Variants in ITPR1 observed in about 807,000 individuals in gnomAD.
ITPR1 encodes the protein inositol 1,4,5-trisphosphate-gated calcium channel ITPR1.
Under a neutral mutation model 318.4 loss-of-function variants are expected in ITPR1, and 96 were observed. That is an observed-to-expected ratio of 0.30 (90% CI 0.26 to 0.36). The LOEUF is 0.36. Among genes scored for constraint, ITPR1 ranks in the 10% least tolerant of loss-of-function variants. ITPR1 has a pLI of 1.00. For synonymous variants in ITPR1, 1,312 were observed against 1,289.9 expected (o/e 1.02, Z -0.37); for missense variants, 2,440 against 3,460.2 (o/e 0.71, Z 7.40).
At chr3:4,785,388 T>C (rs2047116591) in intron 51 of ITPR1, among the ~76,000 whole-genome samples, 1 of 152,234 alleles carries the variant, frequency 6.6e-6, no homozygotes, top group Non-Finnish European at 1.5e-5. Flanking sequence ...ATGCACAAGT[T>C]CAATATCAGT....
chr3:4,829,954 G>GTTTT (rs35099159), intron 60 of ITPR1, among the ~76,000 whole-genome samples: 30 of 27,102 alleles, frequency 1.1e-3, no homozygotes, highest in African/African-American at 3.0e-3. Context: ...ATGTATAACA[G>GTTTT]TTTTTTTTTT....
At chr3:4,658,401 A>T in intron 13 of ITPR1, 123 bp downstream of exon 13, 1 of 823,246 alleles carries the variant, frequency 1.2e-6, no homozygotes, top group Non-Finnish European at 1.8e-6. Context: ...ATTTGGTGAA[A>T]GGTTTGCACT....
At chr3:4,713,690 A>G (rs1159435213) in intron 39 of ITPR1, among the ~76,000 whole-genome samples, 2 of 152,246 alleles carry the variant, frequency 1.3e-5, no homozygotes, top group Non-Finnish European at 2.9e-5. Flanking sequence ...GGACCCTCAA[A>G]GGAGATCACT....
Position 4,699,959 on chromosome 3 carries a change from T to C in ITPR1, c.4536+18T>C. ...CTTTGCAGGTAAGAAATAACCAACGTCAAGCAGAATGTTCACGATACACCT... is the reference window on the plus strand; with the variant it reads ...CTTTGCAGGTAAGAAATAACCAACGCCAAGCAGAATGTTCACGATACACCT... On this transcript the variant is annotated intron_variant, in intron 35 of 61. Transcript: ENST00000649015. The C allele has an allele frequency of 1.2e-6, 2 of 1,609,758 alleles. No homozygotes were observed. Among genetic ancestry groups the C allele is most frequent in the Non-Finnish European group, 1.7e-6 (2 of 1,176,506 alleles).
At chr3:4,706,525 G>A (rs1329386532) in intron 37 of ITPR1, among the ~76,000 whole-genome samples, 174 bp downstream of exon 37, 1 of 152,176 alleles carries the variant, frequency 6.6e-6, no homozygotes, top group East Asian at 1.9e-4. Flanking sequence ...AGTTACTTAG[G>A]AATAGAAAAG....
intron 44 of ITPR1, chr3:4,749,900 G>A (rs1012274548): frequency 2.0e-5 from 3 of 152,724 alleles, no homozygotes; most frequent in Non-Finnish European, 2.9e-5. Context: ...GTCTGGCCAG[G>A]TTGGGCTGGA....
At chr3:4,796,465 TGGC>T (rs1270605582) in intron 53 of ITPR1, among the ~76,000 whole-genome samples, 5 of 152,196 alleles carry the variant, frequency 3.3e-5, no homozygotes, top group Non-Finnish European at 7.3e-5. Flanking sequence ...GGAGCTCAGC[TGGC>T]GGCGGCGGAG....
At chr3:4,642,567 A>G (rs982703153) in intron 7 of ITPR1, among the ~76,000 whole-genome samples, 1 of 152,188 alleles carries the variant, frequency 6.6e-6, no homozygotes, top group East Asian at 1.9e-4. Context: ...TTCCAGATCC[A>G]TTAGTGGAAT....
chr3:4,736,344 G>C (rs916397062), intron 44 of ITPR1, among the ~76,000 whole-genome samples: 1 of 152,258 alleles, frequency 6.6e-6, no homozygotes, highest in Non-Finnish European at 1.5e-5. Context: ...GTGCAACTTT[G>C]TAAAGGGCGT....
At chr3:4,720,344 C>T (rs752361427) in intron 40 of ITPR1, among the ~76,000 whole-genome samples, 24 of 152,166 alleles carry the variant, frequency 1.6e-4, no homozygotes, top group Non-Finnish European at 3.1e-4. Context: ...GGCCAGGTAG[C>T]GGCTTAGGAG....
intron 4 of ITPR1, among the ~76,000 whole-genome samples, chr3:4,577,779 A>G (rs1354343623): frequency 1.3e-5 from 2 of 152,224 alleles, no homozygotes; most frequent in African/African-American, 4.8e-5. Context: ...GACTTCGCCA[A>G]CTGTCACAAA....
At chr3:4,604,169 A>G (rs1465883897) in intron 4 of ITPR1, among the ~76,000 whole-genome samples, 1 of 152,112 alleles carries the variant, frequency 6.6e-6, no homozygotes, top group Non-Finnish European at 1.5e-5. Flanking sequence ...GAGTTTTCAG[A>G]TGTGTCTGAG....
intron 61 of ITPR1, among the ~76,000 whole-genome samples, chr3:4,844,495 T>C (rs4685834): frequency 0.9 from 136,990 of 152,274 alleles, 61,757 homozygotes; most frequent in South Asian, 0.96. Flanking sequence ...TGTATTGGAT[T>C]CCCTCTCAAG....
chr3:4,764,797 GTCA>G (rs1220451647), intron 44 of ITPR1, among the ~76,000 whole-genome samples: 1 of 152,194 alleles, frequency 6.6e-6, no homozygotes, highest in African/African-American at 2.4e-5. Context: ...TTAGTAAGTA[GTCA>G]TTATGGTGAT....
chr3:4,655,962 G>T (rs774694176), intron 12 of ITPR1, among the ~76,000 whole-genome samples: 2 of 152,122 alleles, frequency 1.3e-5, no homozygotes, highest in East Asian at 1.9e-4. Context: ...GGAAAACCTC[G>T]AATTTTTTTG....
In ITPR1 at chr3:4,568,616, G is replaced by A. The variant is rs1322202305; in HGVS notation, c.163+47522G>A. 2.0e-5 allele frequency among the ~76,000 whole-genome samples: 3 copies of A among 152,286 alleles called. No individual in the cohort carries two copies. The East Asian group carries it at 5.8e-4, about 29-fold the overall frequency. On this transcript the variant is annotated intron_variant, in intron 4 of 61. Coordinates refer to ENST00000649015, the MANE Select transcript of ITPR1 (RefSeq NM_001378452.1). ...CACATGGATAGATAGTGACCAGGTA[G>A]ACAGAGGCACTCCAGCAAAGGTAAC...
chr3:4,534,872 T>C (rs2083719191), intron 4 of ITPR1, among the ~76,000 whole-genome samples: 2 of 152,210 alleles, frequency 1.3e-5, no homozygotes, highest in African/African-American at 4.8e-5. Context: ...GGAAATAGAA[T>C]AACCCAACTT....
Position 4,654,911 on chromosome 3 carries a change from C to T in ITPR1, c.996+1025C>T, listed in dbSNP as rs115491471. On this transcript the variant is annotated intron_variant, in intron 12 of 61. Transcript: ENST00000649015. ...TGGGTTTGTGGATTTGCTGGGGAGC[C>T]TCTCCTCCCTTTTGTGCTCCTTACT... 7.0e-3 allele frequency among the ~76,000 whole-genome samples: 1,063 copies of T among 152,248 alleles called. 14 individuals carry two copies. Among genetic ancestry groups the T allele is most frequent in the African/African-American group, 0.024 (996 of 41,536 alleles).
chr3:4,653,102 A>G (rs890021085), intron 11 of ITPR1, among the ~76,000 whole-genome samples: 3 of 152,204 alleles, frequency 2.0e-5, no homozygotes, highest in Non-Finnish European at 4.4e-5. Context: ...ACTGTGTGAC[A>G]TGTCGAGCTT....
Sources: allele counts gnomAD v4.1 joint callset (sites outside exome capture counted in the v4.1 genomes callset), GRCh38; gene constraint gnomAD v4.1.1; transcripts MANE v1.5; gene names NCBI Gene and HGNC (gene_info 2026-07-23, HGNC 2026-07-21).